Variants in GIT2 observed in about 807,000 individuals in gnomAD.
GIT2 encodes the protein ARF GTPase-activating protein GIT2.
Under a neutral mutation model 100.3 loss-of-function variants are expected in GIT2, and 32 were observed. That is an observed-to-expected ratio of 0.32 (90% CI 0.24 to 0.43). GIT2 has a LOEUF of 0.43. Among genes scored for constraint, GIT2 ranks in the 20% least tolerant of loss-of-function variants. The probability of loss-of-function intolerance (pLI) is 1.00; values close to 1 mark genes in which losing one functional copy is unlikely to be tolerated. For missense variants in GIT2, 737 were observed against 975.1 expected (o/e 0.76, Z 3.25); for synonymous variants, 353 against 364.1 (o/e 0.97, Z 0.35).
chr12:109,940,289 C>T (rs546992763), intron 16 of GIT2: 1 of 152,156 alleles, frequency 6.6e-6, no homozygotes, highest in South Asian at 2.1e-4. Context: ...ATTTCATGAA[C>T]ATTATTTTCC....
At chr12:109,980,211 C>T (rs1048253121) in intron 7 of GIT2, among the ~76,000 whole-genome samples, 12 of 152,100 alleles carry the variant, frequency 7.9e-5, no homozygotes, top group Admixed American at 7.9e-4. Context: ...TACAGGCGCA[C>T]ACCACCATGC....
intron 18 of GIT2, among the ~76,000 whole-genome samples, chr12:109,936,221 G>A (rs1200812468): frequency 2.7e-5 from 4 of 148,530 alleles, no homozygotes; most frequent in Non-Finnish European, 4.4e-5. Context: ...AAAAGAATGA[G>A]CTAATGATTA....
chr12:109,936,571 G>A lies in GIT2; in HGVS notation c.2003+1809C>T, dbSNP rs190728591. Among the ~76,000 whole-genome samples the A allele has an allele frequency of 3.3e-5, 5 of 152,248 alleles. No homozygotes were observed. The East Asian group carries it at 7.7e-4, about 24-fold the overall frequency. On this transcript the variant is annotated intron_variant, in intron 18 of 19. Transcript: ENST00000355312. Reference sequence around the variant, plus strand: ...TTATTGAATCATGATTACATTAAACGCTGTCAAAAACTTTGGCCAAGCACG... The same window carrying A: ...TTATTGAATCATGATTACATTAAACACTGTCAAAAACTTTGGCCAAGCACG...
Position 109,965,562 on chromosome 12 carries a change from A to G in GIT2, c.780T>C (p.Ser260=). The change falls in exon 9 of 20, where the codon TCT becomes TCC. Residue 260 remains serine, a synonymous_variant. Coordinates refer to ENST00000355312, the MANE Select transcript of GIT2 (RefSeq NM_057169.5). ...PQMADSSLDL[S]ELAKAAKKKL... Reference sequence around the variant, plus strand: ...TCTTCTTAGCAGCTTTTGCCAATTCAGACAAATCCAGGCTGCTAAGAAAAC... The same window carrying G: ...TCTTCTTAGCAGCTTTTGCCAATTCGGACAAATCCAGGCTGCTAAGAAAAC... 1 of 1,594,592 alleles carries G rather than the reference A, an allele frequency of 6.3e-7. No individual in the cohort carries two copies. Among genetic ancestry groups the G allele is most frequent in the African/African-American group, 1.3e-5 (1 of 74,632 alleles).
In GIT2 at chr12:109,953,157, CAT is replaced by C. The variant is rs1432110910; in HGVS notation, c.1175_1176del (p.Tyr392Ter). The C allele has an allele frequency of 6.2e-7, 1 of 1,614,074 alleles. No individual in the cohort carries two copies. Among genetic ancestry groups the C allele is most frequent in the Non-Finnish European group, 8.5e-7 (1 of 1,179,948 alleles). ...GTGTCTTCGTCTGATGCCACGCTGT[CAT>C]AGTCGGGCTGATCGTTGTCTTGACT... Reference protein sequence around the residue: ...VESQDNDQPDYDSVASDEDTD... With the variant: ...VESQDNDQPDXDSVASDEDTD... On this transcript the variant is annotated frameshift_variant, in exon 13 of 20. Coordinates refer to ENST00000355312, the MANE Select transcript of GIT2 (RefSeq NM_057169.5). LOFTEE classifies it high-confidence loss of function.
rs1236658289 is a variant in GIT2, at chr12:109,930,727, T to C, written c.*2251A>G. Reference sequence around the variant, plus strand: ...AGGGCCATAAAGGCAACATCTTCTATTGCAGGTCCTCAAACATTCCAAGGA... The same window carrying C: ...AGGGCCATAAAGGCAACATCTTCTACTGCAGGTCCTCAAACATTCCAAGGA... On this transcript the variant is annotated 3_prime_UTR_variant, in exon 20 of 20. Transcript: ENST00000355312. The C allele has an allele frequency of 3.3e-5, 5 of 152,272 alleles. No individual in the cohort carries two copies. Among genetic ancestry groups the C allele is most frequent in the African/African-American group, 1.2e-4 (5 of 41,458 alleles). The allele number at this position is 152,272 out of a possible 1,614,324, so 9.4% of individuals were successfully genotyped here. A position where few individuals can be genotyped will look rare whatever the true frequency, so the allele number is the denominator to read the frequency against.
intron 4 of GIT2, among the ~76,000 whole-genome samples, chr12:109,985,715 T>C (rs1310630736): frequency 6.6e-6 from 1 of 152,076 alleles, no homozygotes; most frequent in African/African-American, 2.4e-5. Context: ...TAGCCGGGCA[T>C]GGTGGTGGGC....
chr12:109,987,226 C>CA (rs1244520342), intron 4 of GIT2, among the ~76,000 whole-genome samples: 3 of 147,482 alleles, frequency 2.0e-5, no homozygotes, highest in African/African-American at 7.5e-5. Flanking sequence ...ACTAAAAATA[C>CA]AAAAAAAATT....
At chr12:109,957,624 A>G (rs564267585) in intron 12 of GIT2, among the ~76,000 whole-genome samples, 12 of 150,952 alleles carry the variant, frequency 7.9e-5, no homozygotes. Flanking sequence ...CTCCTGCCTC[A>G]GCCTCCCGAG....
At chr12:109,957,105 TC>T (rs1262705752) in intron 12 of GIT2, among the ~76,000 whole-genome samples, 1 of 152,110 alleles carries the variant, frequency 6.6e-6, no homozygotes, top group Non-Finnish European at 1.5e-5. Flanking sequence ...CCTCCAAATC[TC>T]ATGTTGAAAT....
intron 8 of GIT2, among the ~76,000 whole-genome samples, chr12:109,966,561 T>C (rs534224468): frequency 6.1e-5 from 9 of 147,550 alleles, no homozygotes; most frequent in Admixed American, 2.0e-4. Context: ...CCAGATATAG[T>C]TGCTCATAGG....
At chr12:109,987,716 T>C (rs1887660760) in intron 4 of GIT2, among the ~76,000 whole-genome samples, 1 of 152,024 alleles carries the variant, frequency 6.6e-6, no homozygotes, top group South Asian at 2.1e-4. Flanking sequence ...GATCTGCCAG[T>C]CTCAGTCTCC....
At chr12:109,968,656 C>T (rs1883077737) in intron 7 of GIT2, among the ~76,000 whole-genome samples, 1 of 152,148 alleles carries the variant, frequency 6.6e-6, no homozygotes, top group South Asian at 2.1e-4. Flanking sequence ...CTCCTGACCT[C>T]AGGTGATCTG....
chr12:109,988,169 T>C (rs1056322730), intron 4 of GIT2, among the ~76,000 whole-genome samples: 2 of 152,192 alleles, frequency 1.3e-5, no homozygotes, highest in Non-Finnish European at 1.5e-5. Context: ...AAAAGCCATA[T>C]TGGAAAAACA....
chr12:109,996,590 G>A (rs1238416095), upstream of GIT2, among the ~76,000 whole-genome samples: 1 of 152,216 alleles, frequency 6.6e-6, no homozygotes. Flanking sequence ...TGAGAACCCT[G>A]CAGCCACAAC....
intron 7 of GIT2, among the ~76,000 whole-genome samples, chr12:109,968,597 T>G (rs1883064995): frequency 6.6e-6 from 1 of 151,892 alleles, no homozygotes; most frequent in Non-Finnish European, 1.5e-5. Flanking sequence ...CTAATTTTGT[T>G]TTTTCAGTAA....
Position 109,981,032 on chromosome 12 carries a change from T to C in GIT2, c.638A>G (p.His213Arg). The change falls in exon 7 of 20, where the codon CAT becomes CGT. Residue 213 changes from histidine (H) to arginine (R), a missense_variant. Around this residue, in one of 3 missense-constraint regions of GIT2, gnomAD observed 266 missense variants for 376.2 expected, o/e 0.71. Coordinates refer to ENST00000355312, the MANE Select transcript of GIT2 (RefSeq NM_057169.5). ...TTCCACGAGGCGCTCTGCCAGCTCATGGTGCCCTCCTTGCCTACCAAGAGA... is the reference window on the plus strand; with the variant it reads ...TTCCACGAGGCGCTCTGCCAGCTCACGGTGCCCTCCTTGCCTACCAAGAGA... ...PVDYARQGGHHELAERLVEIQ... is the reference protein window; with the variant it reads ...PVDYARQGGHRELAERLVEIQ... 4 of 1,609,878 alleles carry C rather than the reference T, an allele frequency of 2.5e-6. No individual in the cohort carries two copies. The highest frequency in any genetic ancestry group is 3.4e-6 in the Non-Finnish European group (4 of 1,176,056).
At chr12:109,996,786 T>C (rs1640590278), upstream of GIT2, among the ~76,000 whole-genome samples, 1 of 152,194 alleles carries the variant, frequency 6.6e-6, no homozygotes, top group South Asian at 2.1e-4. Flanking sequence ...GAATATATTA[T>C]ATGATTCCAG....
Position 109,953,101 on chromosome 12 carries a change from G to A in GIT2, c.1233C>T (p.Asn411=). The change falls in exon 13 of 20, where the codon AAC becomes AAT. Residue 411 remains asparagine (N), a synonymous_variant. Coordinates refer to ENST00000355312, the MANE Select transcript of GIT2 (RefSeq NM_057169.5). The part of the protein sequence containing the change: ...TDLETTASKT[N]RQKSLDSDLS... ...ACGCATGGCCTCTCACCTTCTGCCG[G>A]TTTGTTTTGCTTGCAGTGGTTTCCA... The A allele has an allele frequency of 6.2e-7, 1 of 1,614,044 alleles. No individual in the cohort carries two copies. The highest frequency in any genetic ancestry group is 8.5e-7 in the Non-Finnish European group (1 of 1,179,958).
Sources: allele counts gnomAD v4.1 joint callset (sites outside exome capture counted in the v4.1 genomes callset), GRCh38; gene constraint gnomAD v4.1.1; regional missense constraint gnomAD v4.1.1; transcripts MANE v1.5; gene names NCBI Gene and HGNC (gene_info 2026-07-23, HGNC 2026-07-21).